The following VRK2 variants were observed in gnomAD, a reference collection of about 807,000 sequenced individuals.
VRK2 encodes the protein VRK serine/threonine kinase 2, also known as serine/threonine-protein kinase VRK2.
A neutral mutation model predicts 57.6 loss-of-function variants in VRK2; 60 were observed. The ratio of observed to expected loss-of-function variants is 1.04; its 90% CI spans 0.85 to 1.29. The LOEUF (loss-of-function observed/expected upper bound fraction) is 1.29, where lower values mean the gene tolerates loss of function less well. Ranked by LOEUF, VRK2 falls within the 50% of genes most tolerant of loss-of-function variation. The pLI, the probability that VRK2 is intolerant of heterozygous loss-of-function variation, is 0.00. For missense variants in VRK2, 705 were observed against 588.1 expected (o/e 1.20, Z -2.06); for synonymous variants, 231 against 199.2 (o/e 1.16, Z -1.35).
rs187580190 is a variant in VRK2, at chr2:57,989,590, C to G, written c.-438-36075C>G. ...TTATTTTTAATACATTAGTAATCCA[C>G]TAGGCAGATTCAAGATCAAATCAAT... On this transcript the variant is annotated intron_variant, in intron 1 of 15. Coordinates refer to the VRK2 transcript ENST00000417641. Among the ~76,000 whole-genome samples, 10 of 152,160 alleles carry G rather than the reference C, an allele frequency of 6.6e-5. No homozygotes were observed. In the East Asian group the frequency reaches 1.9e-3, roughly 29 times the overall value.
At chr2:58,010,028 C>T (rs573164421) in intron 1 of VRK2, among the ~76,000 whole-genome samples, 1 of 152,174 alleles carries the variant, frequency 6.6e-6, no homozygotes, top group Non-Finnish European at 1.5e-5. Context: ...AGAACCTCCC[C>T]AAGTTTGTGG....
chr2:57,911,164 T>G (rs560954005), intron 1 of VRK2, among the ~76,000 whole-genome samples: 89 of 152,238 alleles, frequency 5.8e-4, no homozygotes, highest in Non-Finnish European at 9.6e-4. Context: ...CACCAGTTAC[T>G]TCATGGTAAT....
chr2:58,136,191 T>C (rs900363783), intron 10 of VRK2, among the ~76,000 whole-genome samples: 2 of 152,154 alleles, frequency 1.3e-5, no homozygotes, highest in Admixed American at 6.5e-5. Flanking sequence ...CCCTCTCCAT[T>C]TGCAAGTCCA....
chr2:58,071,245 G>A (rs1448495101), intron 2 of VRK2, among the ~76,000 whole-genome samples: 3 of 151,934 alleles, frequency 2.0e-5, no homozygotes, highest in African/African-American at 7.2e-5. Context: ...CCCAGACTGT[G>A]ATTTATCTTA....
chr2:58,125,184 T>C (rs926185259), intron 8 of VRK2, among the ~76,000 whole-genome samples: 1 of 152,122 alleles, frequency 6.6e-6, no homozygotes, highest in Admixed American at 6.5e-5. Context: ...TCTAAACTGC[T>C]CTGATCTAGT....
intron 1 of VRK2, among the ~76,000 whole-genome samples, chr2:58,023,869 G>A (rs1673838721): frequency 6.6e-6 from 1 of 151,986 alleles, no homozygotes; most frequent in Non-Finnish European, 1.5e-5. Context: ...GAGAGGAGTG[G>A]TCATGCTCAC....
chr2:58,021,286 T>C (rs907681118), intron 1 of VRK2, among the ~76,000 whole-genome samples: 2 of 152,174 alleles, frequency 1.3e-5, no homozygotes, highest in Non-Finnish European at 2.9e-5. Context: ...AGATTGTTCC[T>C]AACATCTAAC....
chr2:57,986,328 T>A (rs1218817950), intron 1 of VRK2, among the ~76,000 whole-genome samples: 3 of 152,156 alleles, frequency 2.0e-5, no homozygotes, highest in Non-Finnish European at 4.4e-5. Flanking sequence ...TTCTTCAAAC[T>A]GATAGATCTA....
chr2:58,046,322 G>A (rs747564429), upstream of VRK2, among the ~76,000 whole-genome samples: 1 of 152,130 alleles, frequency 6.6e-6, no homozygotes, highest in East Asian at 1.9e-4. Flanking sequence ...GCAGAAATAG[G>A]TCCTGAACCA....
intron 1 of VRK2, among the ~76,000 whole-genome samples, chr2:57,939,902 T>A (rs1377339073): frequency 6.6e-6 from 1 of 152,208 alleles, no homozygotes; most frequent in African/African-American, 2.4e-5. Context: ...TTTTTTTACA[T>A]GCAGTTTCAT....
intron 3 of VRK2, among the ~76,000 whole-genome samples, chr2:58,037,604 C>G (rs953835083): frequency 6.6e-5 from 10 of 152,054 alleles, no homozygotes; most frequent in Non-Finnish European, 1.5e-4. Flanking sequence ...GGGCCAATAC[C>G]TTCCTACTCA....
At chr2:58,009,593 T>C (rs995636756) in intron 1 of VRK2, among the ~76,000 whole-genome samples, 1 of 150,974 alleles carries the variant, frequency 6.6e-6, no homozygotes, top group Non-Finnish European at 1.5e-5. Context: ...TTGCGTTGTA[T>C]CCACATATTA....
At chr2:57,938,045 T>G (rs1024544955) in intron 1 of VRK2, among the ~76,000 whole-genome samples, 3 of 152,128 alleles carry the variant, frequency 2.0e-5, no homozygotes, top group Admixed American at 1.3e-4. Flanking sequence ...TTGGCCAGGC[T>G]GATTTCGAAC....
In VRK2 at chr2:57,995,311, T is replaced by C. The variant is rs2104094874; in HGVS notation, c.-438-30354T>C. 1.3e-5 allele frequency among the ~76,000 whole-genome samples: 2 copies of C among 152,304 alleles called. 1 individual carries two copies. ...TCCATTACAAAATACATTTTAAAAA[T>C]CACATTGATTAATATCACCACCAAT... On this transcript the variant is annotated intron_variant, in intron 1 of 15. Transcript: ENST00000417641.
chr2:57,947,067 A>G (rs1000555417), intron 1 of VRK2, among the ~76,000 whole-genome samples: 4 of 152,326 alleles, frequency 2.6e-5, no homozygotes, highest in African/African-American at 9.6e-5. Context: ...AAAGCATCTC[A>G]GTTAAAGTAA....
intron 10 of VRK2, among the ~76,000 whole-genome samples, chr2:58,139,260 G>T (rs918171206): frequency 7.9e-5 from 12 of 151,986 alleles, no homozygotes; most frequent in African/African-American, 2.9e-4. Flanking sequence ...GAAATAAAGA[G>T]GTTTATAATA....
intron 7 of VRK2, among the ~76,000 whole-genome samples, chr2:58,115,420 G>T (rs1028364841): frequency 6.6e-6 from 1 of 152,114 alleles, no homozygotes; most frequent in Admixed American, 6.5e-5. Flanking sequence ...ATAGATTTTG[G>T]AAGTTACGAG....
At chr2:57,957,034 A>G (rs1671607411) in intron 1 of VRK2, among the ~76,000 whole-genome samples, 1 of 152,194 alleles carries the variant, frequency 6.6e-6, no homozygotes, top group African/African-American at 2.4e-5. Context: ...TTCCTTAGGA[A>G]ATTATTCTCC....
chr2:58,053,096 C>T (rs1675999683), intron 2 of VRK2, among the ~76,000 whole-genome samples: 1 of 152,194 alleles, frequency 6.6e-6, no homozygotes, highest in Admixed American at 6.5e-5. Flanking sequence ...ACTTAACCCA[C>T]ACAAGCTAGT....
Sources: gnomAD v4.1 joint callset for allele counts (sites outside exome capture counted in the v4.1 genomes callset) on GRCh38, gnomAD v4.1.1 for gene constraint, MANE v1.5 for transcripts, NCBI Gene and HGNC (gene_info 2026-07-23, HGNC 2026-07-21) for gene names.